Variants in NR5A2 observed in about 807,000 individuals in gnomAD.
NR5A2 encodes CYP7A promoter-binding factor.
A neutral mutation model predicts 62.7 loss-of-function variants in NR5A2; 26 were observed. That is an observed-to-expected ratio of 0.41 (90% CI 0.30 to 0.58). NR5A2 has a LOEUF of 0.58. NR5A2 is among the 20% of genes least tolerant of loss of function. The pLI is 0.22. For synonymous variants in NR5A2, 246 were observed against 241.7 expected (o/e 1.02, Z -0.16); for missense variants, 541 against 669.1 (o/e 0.81, Z 2.11).
intron 7 of NR5A2, among the ~76,000 whole-genome samples, chr1:200,154,969 C>G (rs1653311124): frequency 6.6e-6 from 1 of 152,194 alleles, no homozygotes; most frequent in African/African-American, 2.4e-5. Context: ...GGTGGTTCCC[C>G]TTTGTGAACT....
chr1:200,159,640 TTTATTATTA>T (rs59297519), intron 7 of NR5A2, among the ~76,000 whole-genome samples: 7,442 of 148,630 alleles, frequency 0.05, 520 homozygotes, highest in African/African-American at 0.16. Context: ...TTTTAAATTA[TTTATTATTA>T]TTATTATTAT....
Position 200,174,145 on chromosome 1 carries a change from C to T in NR5A2, c.1561C>T (p.His521Tyr). Residue 521 changes from histidine to tyrosine, a missense_variant, in exon 8 of 8, where the codon CAC becomes TAC. Physicochemically the swap from His to Tyr is moderately conservative, Grantham distance 83. Transcript: ENST00000367362. ...MQAEEYLYYK[H>Y]LNGDVPYNNL... ...GGCTGAAGAATACCTCTACTACAAGCACCTGAACGGGGATGTGCCCTATAA... is the reference window on the plus strand; with the variant it reads ...GGCTGAAGAATACCTCTACTACAAGTACCTGAACGGGGATGTGCCCTATAA... 6.2e-7 allele frequency: 1 copy of T among 1,613,746 alleles called. No individual in the cohort carries two copies. The highest frequency in any genetic ancestry group is 8.5e-7 in the Non-Finnish European group (1 of 1,179,918).
intron 5 of NR5A2, among the ~76,000 whole-genome samples, chr1:200,109,813 G>A (rs1665856268): frequency 6.6e-6 from 1 of 152,210 alleles, no homozygotes; most frequent in African/African-American, 2.4e-5. Context: ...CACCCAGGCT[G>A]GAGTGCAGTG....
chr1:200,051,433 A>T (rs558813059), intron 5 of NR5A2, among the ~76,000 whole-genome samples: 3 of 152,250 alleles, frequency 2.0e-5, no homozygotes, highest in Admixed American at 2.0e-4. Flanking sequence ...TATTTGGCTA[A>T]AACATAAATA....
intron 5 of NR5A2, among the ~76,000 whole-genome samples, chr1:200,067,198 G>A (rs113737109): frequency 0.05 from 7,642 of 152,302 alleles, 221 homozygotes; most frequent in Non-Finnish European, 0.078. Context: ...GGGTGGGGCT[G>A]GAGGCCATTA....
At chr1:200,092,873 CTTTTTTTTTTTTTT>C (rs869028679) in intron 5 of NR5A2, among the ~76,000 whole-genome samples, 2 of 64,256 alleles carry the variant, frequency 3.1e-5, no homozygotes, top group African/African-American at 6.8e-5. Flanking sequence ...AAAGACAGGT[CTTTTTTTTTTTTTT>C]TTTTTTTTTT....
chr1:200,063,196 GTT>G, intron 5 of NR5A2, among the ~76,000 whole-genome samples: 1 of 150,574 alleles, frequency 6.6e-6, no homozygotes, highest in African/African-American at 2.4e-5. Context: ...GCTAATTTTT[GTT>G]TTTTTTTAGT....
rs1209969158 is a variant in NR5A2, at chr1:200,039,240, G to C, written c.65-418G>C. 6.6e-6 allele frequency among the ~76,000 whole-genome samples: 1 copy of C among 152,132 alleles called. No homozygotes were observed. Among genetic ancestry groups the C allele is most frequent in the East Asian group, 1.9e-4 (1 of 5,172 alleles). ...AGACCCCTGCCGATCCTGAGCCAGA[G>C]GGCGGTGGAGGGAGGGGAAGGAGTC... On this transcript the variant is annotated intron_variant, in intron 1 of 7. Coordinates refer to ENST00000367362, the MANE Select transcript of NR5A2 (RefSeq NM_205860.3). This position sits in a 1 kb window ranked among gnomAD's most constrained non-coding sequence, Gnocchi z 5.1.
chr1:200,171,422 A>G, intron 7 of NR5A2, among the ~76,000 whole-genome samples: 1 of 152,142 alleles, frequency 6.6e-6, no homozygotes, highest in East Asian at 1.9e-4. Flanking sequence ...TTTTGGGGGA[A>G]AAGGGTGTCA....
intron 5 of NR5A2, among the ~76,000 whole-genome samples, chr1:200,095,490 C>T (rs1007360257): frequency 5.9e-5 from 9 of 152,148 alleles, no homozygotes; most frequent in African/African-American, 2.2e-4. Context: ...GATACTGTCT[C>T]CTACGAATGG....
At chr1:200,046,238 C>T (rs533942162) in intron 4 of NR5A2, among the ~76,000 whole-genome samples, 1 of 152,122 alleles carries the variant, frequency 6.6e-6, no homozygotes. Flanking sequence ...GAAAGTGGCT[C>T]CTGAAAAGCC....
At chr1:200,127,255 G>A (rs1036126084) in intron 7 of NR5A2, among the ~76,000 whole-genome samples, 1 of 152,146 alleles carries the variant, frequency 6.6e-6, no homozygotes, top group African/African-American at 2.4e-5. Flanking sequence ...AAAATACTGT[G>A]TAAAGAAGAC....
chr1:200,140,168 CA>C (rs1260790000), intron 7 of NR5A2, among the ~76,000 whole-genome samples: 1 of 152,032 alleles, frequency 6.6e-6, no homozygotes, highest in African/African-American at 2.4e-5. Context: ...TTCTTTATAT[CA>C]TTATTGATAA....
chr1:200,075,063 T>G (rs1389877268), intron 5 of NR5A2, among the ~76,000 whole-genome samples: 1 of 152,194 alleles, frequency 6.6e-6, no homozygotes, highest in Non-Finnish European at 1.5e-5. Flanking sequence ...CAGTAGGAAT[T>G]TATTATTGTC....
intron 7 of NR5A2, among the ~76,000 whole-genome samples, chr1:200,144,233 T>TCACACACACACA (rs60365337): frequency 1.1e-4 from 9 of 80,124 alleles, no homozygotes; most frequent in South Asian, 4.5e-4. Flanking sequence ...TCTCTCTCTC[T>TCACACACACACA]CACACACACA....
intron 1 of NR5A2, among the ~76,000 whole-genome samples, chr1:200,035,517 A>G (rs1217126068): frequency 6.6e-6 from 1 of 152,074 alleles, no homozygotes; most frequent in Non-Finnish European, 1.5e-5. Flanking sequence ...CACGCTCCGA[A>G]ATGCGGTGCT....
At chr1:200,158,914 T>C (rs1350112563) in intron 7 of NR5A2, among the ~76,000 whole-genome samples, 2 of 151,612 alleles carry the variant, frequency 1.3e-5, no homozygotes, top group Admixed American at 1.3e-4. Context: ...TTTTTTTTTT[T>C]CCTAATAGGG....
intron 2 of NR5A2, chr1:200,042,988 A>C: frequency 1.0e-6 from 1 of 985,474 alleles, no homozygotes; most frequent in African/African-American, 1.7e-5. Flanking sequence ...TGCTATGATG[A>C]TCGGAAACAT....
intron 1 of NR5A2, 46 bp downstream of exon 1, chr1:200,027,957 C>A: frequency 7.8e-7 from 1 of 1,285,836 alleles, no homozygotes; most frequent in Non-Finnish European, 1.1e-6. Flanking sequence ...TCTGCTACTA[C>A]ATACATATAA....
Sources: gnomAD v4.1 joint callset for allele counts (sites outside exome capture counted in the v4.1 genomes callset) on GRCh38, gnomAD v4.1.1 for gene constraint, Gnocchi (gnomAD v3.1) non-coding constraint, MANE v1.5 for transcripts, NCBI Gene and HGNC (gene_info 2026-07-23, HGNC 2026-07-21) for gene names.